PACRG: variants seen among roughly 807,000 people sequenced by gnomAD.
PACRG encodes parkin coregulated.
Under a neutral mutation model 29.7 loss-of-function variants are expected in PACRG, and 29 were observed. The ratio of observed to expected loss-of-function variants is 0.98; its 90% CI spans 0.73 to 1.33. PACRG has a LOEUF of 1.33. Ranked by LOEUF, PACRG falls within the 40% of genes most tolerant of loss-of-function variation. The pLI, the probability that PACRG is intolerant of heterozygous loss-of-function variation, is 0.00. For synonymous variants in PACRG, 116 were observed against 118.7 expected (o/e 0.98, Z 0.15); for missense variants, 279 against 316.2 (o/e 0.88, Z 0.89).
chr6:162,944,513 A>G lies in PACRG; in HGVS notation c.292-117637A>G, dbSNP rs924858510. On this transcript the variant is annotated intron_variant, in intron 2 of 4. Transcript: ENST00000366888. ...TGAAATCCTGGGAAAAGAATTTAAA[A>G]TAGTTATTTGAAAGGAATTCTGTGA... Among the ~76,000 whole-genome samples, 4 of 152,230 alleles carry G rather than the reference A, an allele frequency of 2.6e-5. No homozygotes were observed. The South Asian group carries it at 6.2e-4, about 24-fold the overall frequency.
At chr6:163,167,828 C>T (rs1483122964) in intron 4 of PACRG, among the ~76,000 whole-genome samples, 1 of 152,204 alleles carries the variant, frequency 6.6e-6, no homozygotes, top group Non-Finnish European at 1.5e-5. Flanking sequence ...ACCCTGCTAT[C>T]TCCTTGAAGC....
intron 4 of PACRG, among the ~76,000 whole-genome samples, chr6:163,267,372 T>G (rs1783568765): frequency 6.6e-6 from 1 of 152,300 alleles, no homozygotes; most frequent in Non-Finnish European, 1.5e-5. Flanking sequence ...AGTTGTTTAG[T>G]CAAGAAATGA....
rs538642058 is a variant in PACRG, at chr6:163,149,775, G to T, written c.613+60367G>T. On this transcript the variant is annotated intron_variant, in intron 4 of 4. Coordinates refer to ENST00000366888, the MANE Select transcript of PACRG (RefSeq NM_001080379.2). ...AGCCTGGAGTCCCTGCTGCGGATCG[G>T]ATCCCCGGTGCAGGCCTCCCTGCCA... Among the ~76,000 whole-genome samples, 376 of 152,250 alleles carry T rather than the reference G, an allele frequency of 2.5e-3. 2 individuals are homozygous for T. Among genetic ancestry groups the T allele is most frequent in the Middle Eastern group, 0.01 (3 of 294 alleles).
intron 1 of PACRG, among the ~76,000 whole-genome samples, chr6:162,758,804 A>G (rs910847932): frequency 6.6e-5 from 10 of 152,208 alleles, no homozygotes; most frequent in African/African-American, 2.4e-4. Context: ...TGCTATTTTT[A>G]TTCATATGAG....
intron 2 of PACRG, among the ~76,000 whole-genome samples, chr6:163,032,783 TATAG>T (rs1807791240): frequency 6.6e-6 from 1 of 152,188 alleles, no homozygotes; most frequent in Admixed American, 6.5e-5. Context: ...TAGTAAACCT[TATAG>T]ATAAATATAT....
chr6:163,079,110 T>A (rs1381620386), intron 3 of PACRG, among the ~76,000 whole-genome samples: 8 of 152,240 alleles, frequency 5.3e-5, no homozygotes, highest in Non-Finnish European at 1.0e-4. Flanking sequence ...CCAGAGACAC[T>A]GTAAGGAGTA....
At chr6:163,223,052 G>A (rs1234089787) in intron 4 of PACRG, among the ~76,000 whole-genome samples, 1 of 152,196 alleles carries the variant, frequency 6.6e-6, no homozygotes, top group African/African-American at 2.4e-5. Context: ...ACTGAAAAAT[G>A]TAGTAGGTAT....
intron 4 of PACRG, among the ~76,000 whole-genome samples, chr6:163,114,851 T>C (rs1815895812): frequency 6.8e-6 from 1 of 146,904 alleles, no homozygotes; most frequent in South Asian, 2.3e-4. Flanking sequence ...TATCAAATGT[T>C]CTCAGCATCA....
In PACRG at chr6:163,176,756, G is replaced by A. The variant is rs58640133; in HGVS notation, c.613+87348G>A. On this transcript the variant is annotated intron_variant, in intron 4 of 4. Transcript: ENST00000366888. ...TTGGACTTCAGACACTGGGCAGGTG[G>A]AAGAAATATATTCTAGGCTAAGGAA... 7.1e-3 allele frequency among the ~76,000 whole-genome samples: 1,080 copies of A among 152,298 alleles called. 10 individuals are homozygous for A. The highest frequency in any genetic ancestry group is 0.025 in the African/African-American group (1,028 of 41,552).
chr6:162,851,185 G>A (rs943982469), intron 2 of PACRG, among the ~76,000 whole-genome samples: 4 of 152,126 alleles, frequency 2.6e-5, no homozygotes, highest in African/African-American at 9.7e-5. Flanking sequence ...GTCCAGCTGC[G>A]GCTGGTAGAT....
At chr6:162,780,636 C>G (rs771711342) in intron 1 of PACRG, among the ~76,000 whole-genome samples, 27 of 152,018 alleles carry the variant, frequency 1.8e-4, no homozygotes, top group Non-Finnish European at 3.7e-4. Context: ...TAAAATAGTT[C>G]TTATGACTAT....
At chr6:162,738,522 GTTC>G (rs1396711981) in intron 1 of PACRG, among the ~76,000 whole-genome samples, 2 of 152,144 alleles carry the variant, frequency 1.3e-5, no homozygotes, top group African/African-American at 4.8e-5. Flanking sequence ...TTTGCTATGG[GTTC>G]TTCTTCCTAG....
At chr6:162,942,581 A>G (rs1005586436) in intron 2 of PACRG, among the ~76,000 whole-genome samples, 1 of 152,070 alleles carries the variant, frequency 6.6e-6, no homozygotes, top group Non-Finnish European at 1.5e-5. Context: ...TTCTTTCTGT[A>G]TGTTCCAGTT....
chr6:163,081,861 C>T lies in PACRG; in HGVS notation c.464-7398C>T, dbSNP rs941859662. Among the ~76,000 whole-genome samples, 6 of 152,228 alleles carry T rather than the reference C, an allele frequency of 3.9e-5. No homozygotes were observed. In the East Asian group the frequency reaches 1.2e-3, roughly 29 times the overall value. ...TACATAAGAATGATAAAAAAACTAA[C>T]ATGCCTGCTCTCAGCACTATAATGC... On this transcript the variant is annotated intron_variant, in intron 3 of 4. Transcript: ENST00000366888.
chr6:162,755,744 CTT>C (rs1264160067), intron 1 of PACRG, among the ~76,000 whole-genome samples: 7 of 152,134 alleles, frequency 4.6e-5, no homozygotes, highest in Non-Finnish European at 1.0e-4. Flanking sequence ...GCCCTTTCTT[CTT>C]TTTTTGATAT....
intron 1 of PACRG, among the ~76,000 whole-genome samples, chr6:162,762,088 A>G (rs1261054667): frequency 6.6e-6 from 1 of 151,974 alleles, no homozygotes; most frequent in African/African-American, 2.4e-5. Context: ...TGTTCATTGT[A>G]TCACCATCCT....
intron 4 of PACRG, among the ~76,000 whole-genome samples, chr6:163,262,509 C>T (rs1020513939): frequency 4.8e-5 from 7 of 145,734 alleles, no homozygotes; most frequent in Admixed American, 2.0e-4. Context: ...CTGATCTACT[C>T]AGTTACAACA....
At chr6:163,231,801 G>A (rs1012249549) in intron 4 of PACRG, among the ~76,000 whole-genome samples, 1 of 152,114 alleles carries the variant, frequency 6.6e-6, no homozygotes, top group South Asian at 2.1e-4. Flanking sequence ...CTCTGAGGTG[G>A]GACCATACAG....
At chr6:163,077,444 G>T (rs1812651200) in intron 3 of PACRG, among the ~76,000 whole-genome samples, 1 of 152,100 alleles carries the variant, frequency 6.6e-6, no homozygotes, top group South Asian at 2.1e-4. Flanking sequence ...ACCTGAGCAA[G>T]AACATTTTAC....
Sources: gnomAD v4.1 joint callset for allele counts (sites outside exome capture counted in the v4.1 genomes callset) on GRCh38, gnomAD v4.1.1 for gene constraint, MANE v1.5 for transcripts, NCBI Gene and HGNC (gene_info 2026-07-23, HGNC 2026-07-21) for gene names.